STAU1: variants seen among roughly 807,000 people sequenced by gnomAD.
The protein encoded by STAU1 is staufen double-stranded RNA binding protein 1, also known as double-stranded RNA-binding protein Staufen homolog 1.
Under a neutral mutation model 62.9 loss-of-function variants are expected in STAU1, and 13 were observed. The observed-to-expected ratio is 0.21, with a 90% CI of 0.13 to 0.33. The LOEUF is 0.33. Ranked by LOEUF, STAU1 falls within the 10% of genes least tolerant of loss-of-function variation. The pLI, the probability that STAU1 is intolerant of heterozygous loss-of-function variation, is 1.00. For missense variants in STAU1, 571 were observed against 712.1 expected (o/e 0.80, Z 2.25); for synonymous variants, 269 against 265.1 (o/e 1.01, Z -0.14).
At chr20:49,134,526 T>C in intron 6 of STAU1, 1 of 1,240,748 alleles carries the variant, frequency 8.1e-7, no homozygotes, top group Non-Finnish European at 1.2e-6. Context: ...ACCAAACTCA[T>C]CGGAAACATA....
At chr20:49,125,534 G>GGA (rs2092589647) in intron 6 of STAU1, among the ~76,000 whole-genome samples, 1 of 76,374 alleles carries the variant, frequency 1.3e-5, no homozygotes, top group Admixed American at 1.6e-4. Context: ...TGTCTCAAAG[G>GGA]AAAAAAAAAA....
chr20:49,124,653 G>A (rs372591317), intron 6 of STAU1, 66 bp from the exon 7 acceptor site: 4 of 1,535,650 alleles, frequency 2.6e-6, no homozygotes. Context: ...AGGCACACTG[G>A]CTGGCACACT....
chr20:49,149,288 AC>A (rs1482927089), intron 5 of STAU1, among the ~76,000 whole-genome samples: 2 of 150,864 alleles, frequency 1.3e-5, no homozygotes, highest in Admixed American at 6.6e-5. Context: ...ACACACACAC[AC>A]ACCAGCAAGA....
At chr20:49,149,174 C>T (rs1229828910) in intron 5 of STAU1, among the ~76,000 whole-genome samples, 1 of 151,512 alleles carries the variant, frequency 6.6e-6, no homozygotes, top group Non-Finnish European at 1.5e-5. Flanking sequence ...TTGCTTGAAC[C>T]CAGGAGGTGG....
chr20:49,173,581 C>A (rs2093624405), intron 2 of STAU1, among the ~76,000 whole-genome samples: 1 of 151,320 alleles, frequency 6.6e-6, no homozygotes, highest in Admixed American at 6.6e-5. Flanking sequence ...GTTAACTTGT[C>A]TACTAATTAC....
At chr20:49,184,269 A>G (rs2093760844) in intron 1 of STAU1, among the ~76,000 whole-genome samples, 1 of 152,096 alleles carries the variant, frequency 6.6e-6, no homozygotes, top group South Asian at 2.1e-4. Flanking sequence ...GACAAGAGCT[A>G]AACTCCATCT....
intron 1 of STAU1, among the ~76,000 whole-genome samples, chr20:49,177,328 G>A (rs2093672447): frequency 6.6e-6 from 1 of 151,984 alleles, no homozygotes; most frequent in Admixed American, 6.6e-5. Flanking sequence ...TTGAGCTCAG[G>A]TGTTTGAGAC....
chr20:49,189,867 G>A (rs2093827833), upstream of STAU1, among the ~76,000 whole-genome samples: 1 of 152,112 alleles, frequency 6.6e-6, no homozygotes, highest in Non-Finnish European at 1.5e-5. Context: ...CAAAATACGA[G>A]CTGCTGTGTC....
chr20:49,202,175 G>T, the STAU1 span, among the ~76,000 whole-genome samples: 13 of 144,470 alleles, frequency 9.0e-5, 1 homozygote, highest in Non-Finnish European at 1.7e-4. Context: ...AGCCAACATC[G>T]TGCCACTGCA....
the STAU1 span, among the ~76,000 whole-genome samples, chr20:49,199,695 C>A: frequency 6.6e-6 from 1 of 151,860 alleles, no homozygotes; most frequent in African/African-American, 2.4e-5. Context: ...GCCTCAGCCT[C>A]CCGAGTAGCT....
upstream of STAU1, among the ~76,000 whole-genome samples, chr20:49,191,949 T>C (rs904840124): frequency 2.0e-5 from 3 of 151,380 alleles, no homozygotes; most frequent in Admixed American, 1.3e-4. Flanking sequence ...TACTCGGGCA[T>C]GTGAGGCAGG....
At chr20:49,146,120 A>G (rs1380062087) in intron 5 of STAU1, among the ~76,000 whole-genome samples, 1 of 151,914 alleles carries the variant, frequency 6.6e-6, no homozygotes, top group African/African-American at 2.4e-5. Flanking sequence ...AGATACAAAA[A>G]TTAGGTGTGG....
Position 49,134,471 on chromosome 20 carries a change from G to A in STAU1, c.609+1362C>T, listed in dbSNP as rs567345685. On this transcript the variant is annotated intron_variant, in intron 6 of 13. Coordinates refer to ENST00000371856, the MANE Select transcript of STAU1 (RefSeq NM_017453.4). Reference sequence around the variant, plus strand: ...AAAAGCTCTGGGTTGAAACCCGGGCGCCGCCAAGATGCCGGCTCATTACTC... The same window carrying A: ...AAAAGCTCTGGGTTGAAACCCGGGCACCGCCAAGATGCCGGCTCATTACTC... The A allele has an allele frequency of 9.7e-4, 735 of 760,462 alleles. 10 individuals carry two copies. The highest frequency in any genetic ancestry group is 1.4e-3 in the Non-Finnish European group (631 of 455,148). 47.1% of individuals were successfully genotyped at this position (760,462 alleles called of 1,614,324 possible).
chr20:49,134,516 A>G (rs1270640640), intron 6 of STAU1: 13 of 1,242,478 alleles, frequency 1.0e-5, no homozygotes, highest in Non-Finnish European at 9.3e-6. Context: ...GGATCCTGAC[A>G]CCAAACTCAT....
the STAU1 span, among the ~76,000 whole-genome samples, chr20:49,201,044 C>CAAAAAAAAAAAAAAAAAAAAAAAAA: frequency 6.3e-5 from 2 of 31,508 alleles, no homozygotes; most frequent in African/African-American, 1.0e-4. Flanking sequence ...GACCCACTCT[C>CAAAAAAAAAAAAAAAAAAAAAAAAA]AAAAAAAAAA....
At chr20:49,120,822 T>A (rs1479720209) in intron 8 of STAU1, among the ~76,000 whole-genome samples, 1 of 152,080 alleles carries the variant, frequency 6.6e-6, no homozygotes, top group Non-Finnish European at 1.5e-5. Context: ...ATAGACAGGG[T>A]CTCACTTCTT....
the STAU1 span, among the ~76,000 whole-genome samples, chr20:49,217,717 C>T: frequency 6.8e-6 from 1 of 146,510 alleles, no homozygotes; most frequent in African/African-American, 2.5e-5. Context: ...CGCAGTGGCT[C>T]ATGCCTGTAA....
At chr20:49,151,893 G>A in intron 4 of STAU1, 146 bp from the exon 5 acceptor site, 1 of 720,394 alleles carries the variant, frequency 1.4e-6, no homozygotes, top group Non-Finnish European at 2.1e-6. Context: ...TATATCCAGA[G>A]ATTTCATAAA....
At chr20:49,179,178 T>G (rs1600877654) in intron 1 of STAU1, 1 of 137,882 alleles carries the variant, frequency 7.3e-6, no homozygotes, top group South Asian at 2.3e-4. Flanking sequence ...ACCTGGGAGG[T>G]GGAGGTTGCA....
Sources: allele counts gnomAD v4.1 joint callset (sites outside exome capture counted in the v4.1 genomes callset), GRCh38; gene constraint gnomAD v4.1.1; transcripts MANE v1.5; gene names NCBI Gene and HGNC (gene_info 2026-07-23, HGNC 2026-07-21).